PROM2: variants seen among roughly 807,000 people sequenced by gnomAD.
The protein encoded by PROM2 is prominin 2.
In PROM2, 90 loss-of-function variants were observed where a neutral mutation model predicts 110.2. That is an observed-to-expected ratio of 0.82 (90% CI 0.69 to 0.97). PROM2 has a LOEUF of 0.97. Among genes scored for constraint, PROM2 ranks in the 50% least tolerant of loss-of-function variants. PROM2 has a pLI of 0.00. For synonymous variants in PROM2, 470 were observed against 467.8 expected (o/e 1.00, Z -0.06); for missense variants, 1,009 against 1,074.8 (o/e 0.94, Z 0.86).
In PROM2 at chr2:95,275,898, G is replaced by T. The variant is rs1344636637; in HGVS notation, c.295-32G>T. The T allele has an allele frequency of 6.3e-7, 1 of 1,588,300 alleles. No homozygotes were observed. On this transcript the variant is annotated intron_variant, in intron 2 of 23. Transcript: ENST00000317620. The surrounding 1 kb of genome is among the most constrained non-coding windows in gnomAD (Gnocchi z 4.4). The stretch of plus-strand genomic sequence containing the variant: ...AAGCCAGGGCTGGGCAGTGGGGGTC[G>T]GGTCACCCCTCATGCCCTGCTGCCT...
In PROM2 at chr2:95,274,544, T is replaced by C. The variant is rs770325954; in HGVS notation, c.-42T>C. ...GGATGTATGGCCTGCCCTGGGCTTG[T>C]CTGTTCCCTCCTGAGCCTGAGCCCC... On this transcript the variant is annotated 5_prime_UTR_variant, in exon 1 of 24. Coordinates refer to ENST00000317620, the MANE Select transcript of PROM2 (RefSeq NM_001165978.3). 4 of 1,524,506 alleles carry C rather than the reference T, an allele frequency of 2.6e-6. No homozygotes were observed. The highest frequency in any genetic ancestry group is 2.5e-4 in the Middle Eastern group (1 of 4,068). The allele number at this position is 1,524,506 out of a possible 1,614,324, so 94.4% of individuals were successfully genotyped here. A position where few individuals can be genotyped will look rare whatever the true frequency, so the allele number is the denominator to read the frequency against.
intron 23 of PROM2, 92 bp from the exon 24 acceptor site, chr2:95,289,132 T>C (rs113268101): frequency 2.7e-6 from 2 of 754,196 alleles, no homozygotes. Flanking sequence ...TGGTGGAGTC[T>C]GGGTATTGGG....
At chr2:95,283,129 C>A (rs1320638793) in intron 14 of PROM2, among the ~76,000 whole-genome samples, 1 of 152,232 alleles carries the variant, frequency 6.6e-6, no homozygotes, top group Non-Finnish European at 1.5e-5. Flanking sequence ...AGGAGCTCCC[C>A]GAGCAGGCGA....
Position 95,279,109 on chromosome 2 carries a change from C to G in PROM2, c.1239C>G (p.Pro413=). The G allele has an allele frequency of 6.4e-7, 1 of 1,553,648 alleles. No homozygotes were observed. Among genetic ancestry groups the G allele is most frequent in the Admixed American group, 1.8e-5 (1 of 55,356 alleles). Reference sequence around the variant, plus strand: ...AGGAGGTGGAGGAGAGCAGCCGCCCCTACCTGCAGGAGGTGCAGAGATACG... The same window carrying G: ...AGGAGGTGGAGGAGAGCAGCCGCCCGTACCTGCAGGAGGTGCAGAGATACG... The part of the protein sequence containing the change: ...ALQEVEESSR[P]YLQEVQRYET... The change falls in exon 10 of 24, where the codon CCC becomes CCG. Residue 413 remains proline (P), a synonymous_variant. Transcript: ENST00000317620.
Position 95,278,637 on chromosome 2 carries a change from C to G in PROM2, c.1051-84C>G, listed in dbSNP as rs1371958830. On this transcript the variant is annotated intron_variant, in intron 8 of 23. Coordinates refer to ENST00000317620, the MANE Select transcript of PROM2 (RefSeq NM_001165978.3). ...ACTGGGAGCACTGAGGGGGGCCCTC[C>G]CTCTAGGCCTGGTGACTTTGGGGTC... is the stretch of plus-strand genomic sequence containing the variant. 4 of 1,508,850 alleles carry G rather than the reference C, an allele frequency of 2.7e-6. No individual in the cohort carries two copies. The Admixed American group carries it at 5.0e-5, about 19-fold the overall frequency. The allele number at this position is 1,508,850 out of a possible 1,614,324, so 93.5% of individuals were successfully genotyped here. A position where few individuals can be genotyped will look rare whatever the true frequency, so the allele number is the denominator to read the frequency against.
chr2:95,282,329 G>A (rs754377385), intron 14 of PROM2, 103 bp downstream of exon 14: 3 of 984,288 alleles, frequency 3.0e-6, no homozygotes, highest in Non-Finnish European at 4.7e-6. Context: ...TAGGAGACCT[G>A]AGAAGTCTGT....
At position 95,274,694 on chromosome 2, in the gene PROM2, G is replaced by C; in HGVS notation, c.109G>C (p.Glu37Gln). 1 of 1,612,824 alleles carries C rather than the reference G, an allele frequency of 6.2e-7. No homozygotes were observed. The highest frequency in any genetic ancestry group is 8.5e-7 in the Non-Finnish European group (1 of 1,179,888). ...AGACTGCAAGTTCCTTGGCCCGGCA[G>C]AGCACCTGACATTCACCCCAGCAGC... ...ATDCKFLGPA[E>Q]HLTFTPAARA... is the part of the protein sequence containing the mutation. The change falls in exon 1 of 24, where the codon GAG becomes CAG. Residue 37 changes from glutamate to glutamine, a missense_variant. Transcript: ENST00000317620.
chr2:95,276,866 C>A lies in PROM2; in HGVS notation c.683-106C>A. The A allele has an allele frequency of 7.9e-7, 1 of 1,271,326 alleles. No homozygotes were observed. 78.8% of individuals were successfully genotyped at this position (1,271,326 alleles called of 1,614,324 possible). On this transcript the variant is annotated intron_variant, in intron 5 of 23. Transcript: ENST00000317620. This position sits in a 1 kb window ranked among gnomAD's most constrained non-coding sequence, Gnocchi z 4.6. ...CCCCGCTCCTTCACTCCCCTCCACC[C>A]CCCGGCTCCTGCAGAGCCCGGTGGG...
At position 95,274,671 on chromosome 2, in the gene PROM2, A is replaced by G. The variant is rs1195902616; in HGVS notation, c.86A>G (p.Asp29Gly). 10 of 1,612,650 alleles carry G rather than the reference A, an allele frequency of 6.2e-6. No homozygotes were observed. Among genetic ancestry groups the G allele is most frequent in the Non-Finnish European group, 8.5e-6 (10 of 1,179,528 alleles). ...AGTCAGCTGGCTGCAGGGGCCACAG[A>G]CTGCAAGTTCCTTGGCCCGGCAGAG... ...ALSQLAAGAT[D>G]CKFLGPAEHL... The change falls in exon 1 of 24, where the codon GAC becomes GGC. Residue 29 changes from aspartate to glycine, a missense_variant. Asp to Gly is a moderately conservative substitution (Grantham distance 94). Transcript: ENST00000317620.
intron 8 of PROM2, 73 bp from the exon 9 acceptor site, chr2:95,278,648 G>A (rs939151206): frequency 3.2e-6 from 5 of 1,570,792 alleles, no homozygotes; most frequent in Non-Finnish European, 4.4e-6. Context: ...CTCTAGGCCT[G>A]GTGACTTTGG....
At position 95,279,095 on chromosome 2, in the gene PROM2, G is replaced by T; in HGVS notation, c.1225G>T (p.Glu409Ter). Residue 409 changes from glutamate (E) to a stop codon, truncating the protein, a stop_gained, in exon 10 of 24, where the codon GAG (glutamate) becomes TAG (stop). Coordinates refer to ENST00000317620, the MANE Select transcript of PROM2 (RefSeq NM_001165978.3). LOFTEE classifies it high-confidence loss of function. ...RWAQALQEVE[E>*]SSRPYLQEVQ... The stretch of plus-strand genomic sequence containing the variant: ...GGCCCAGGCACTGCAGGAGGTGGAG[G>T]AGAGCAGCCGCCCCTACCTGCAGGA... 2 of 1,548,832 alleles carry T rather than the reference G, an allele frequency of 1.3e-6. No individual in the cohort carries two copies. The highest frequency in any genetic ancestry group is 8.8e-7 in the Non-Finnish European group (1 of 1,141,928).
At chr2:95,286,728 C>A (rs545104198) in intron 17 of PROM2, 76 bp from the exon 18 acceptor site, 2 of 902,294 alleles carry the variant, frequency 2.2e-6, no homozygotes, top group South Asian at 2.9e-5. Flanking sequence ...CCCCTCCACT[C>A]CCCTCCACTT....
In PROM2 at chr2:95,288,319, C is replaced by T. The variant is rs199673576; in HGVS notation, c.2334+19C>T. The stretch of plus-strand genomic sequence containing the variant: ...CCCCTGGGTGAGTGCCCCAGCTCAT[C>T]GGGGCTTGTTCACCAAGTCCCGGAG... On this transcript the variant is annotated intron_variant, in intron 21 of 23. Coordinates refer to ENST00000317620, the MANE Select transcript of PROM2 (RefSeq NM_001165978.3). 7 of 1,613,026 alleles carry T rather than the reference C, an allele frequency of 4.3e-6. No homozygotes were observed. Among genetic ancestry groups the T allele is most frequent in the East Asian group, 2.2e-5 (1 of 44,846 alleles).
rs77052566 is a variant in PROM2 at position 95,277,535 on chromosome 2, G to A, written c.944G>A (p.Arg315His). The change falls in exon 7 of 24, where the codon CGC becomes CAC. Residue 315 changes from arginine (R) to histidine (H), a missense_variant. Physicochemically the swap from Arg to His is conservative, Grantham distance 29 (BLOSUM62 0). Transcript: ENST00000317620. ...GDCAGALSWA[R>H]TLELGADFSQ... Reference sequence around the variant, plus strand: ...TGTGCAGGGGCCCTGAGCTGGGCCCGCACCCTGGAGCTGGGTGCTGACTTC... The same window carrying A: ...TGTGCAGGGGCCCTGAGCTGGGCCCACACCCTGGAGCTGGGTGCTGACTTC... 3.4e-4 allele frequency: 549 copies of A among 1,592,608 alleles called. 3 individuals are homozygous for A. The African/African-American group carries it at 6.5e-3, about 19-fold the overall frequency.
chr2:95,278,678 C>G, intron 8 of PROM2, 43 bp from the exon 9 acceptor site: 1 of 1,612,510 alleles, frequency 6.2e-7, no homozygotes, highest in Non-Finnish European at 8.5e-7. Flanking sequence ...AGAGGGGACA[C>G]TGGGCAGAGA....
At chr2:95,284,629 C>G (rs1439069579) in intron 14 of PROM2, among the ~76,000 whole-genome samples, 1 of 152,176 alleles carries the variant, frequency 6.6e-6, no homozygotes, top group African/African-American at 2.4e-5. Context: ...CACTCATGGC[C>G]GAAGGCCAAG....
chr2:95,279,827 A>ATGTCCTCTC lies in PROM2; in HGVS notation c.1275-14_1275-6dup, dbSNP rs1313260676. The stretch of plus-strand genomic sequence containing the variant: ...GCCACCTCCTTTCTTAGTGACACCC[A>ATGTCCTCTC]TGTCCTCTCTGTGGCAGGTGGATCG... On this transcript the variant is annotated splice_polypyrimidine_tract_variant and intron_variant, in intron 10 of 23. Coordinates refer to ENST00000317620, the MANE Select transcript of PROM2 (RefSeq NM_001165978.3). 8 of 1,433,168 alleles carry ATGTCCTCTC rather than the reference A, an allele frequency of 5.6e-6. No homozygotes were observed. Among genetic ancestry groups the ATGTCCTCTC allele is most frequent in the Non-Finnish European group, 6.5e-6 (7 of 1,083,522 alleles). 88.8% of individuals were successfully genotyped at this position (1,433,168 alleles called of 1,614,324 possible).
At chr2:95,278,920 G>A (rs960804223) in intron 9 of PROM2, 65 bp from the exon 10 acceptor site, 144 of 1,600,066 alleles carry the variant, frequency 9.0e-5, no homozygotes, top group East Asian at 3.6e-4. Flanking sequence ...CTTCCTGCCC[G>A]CTTGTCTTGT....
Position 95,276,548 on chromosome 2 carries a change from T to C in PROM2, c.619-46T>C. 3.1e-6 allele frequency: 5 copies of C among 1,613,316 alleles called. No individual in the cohort carries two copies. Among genetic ancestry groups the C allele is most frequent in the Non-Finnish European group, 4.2e-6 (5 of 1,179,406 alleles). ...GCCAGGGAGAGAAGGGCGTAAGGAC[T>C]GTGGGTGACCAGGAAGGGCAGCCTC... On this transcript the variant is annotated intron_variant, in intron 4 of 23. Transcript: ENST00000317620. The surrounding 1 kb of genome is among the most constrained non-coding windows in gnomAD (Gnocchi z 4.6).
Sources: allele counts gnomAD v4.1 joint callset (sites outside exome capture counted in the v4.1 genomes callset), GRCh38; gene constraint gnomAD v4.1.1; non-coding constraint Gnocchi (gnomAD v3.1); transcripts MANE v1.5; gene names NCBI Gene and HGNC (gene_info 2026-07-23, HGNC 2026-07-21).